SMYD3: variants seen among roughly 807,000 people sequenced by gnomAD.
SMYD3 encodes the protein histone-lysine N-methyltransferase SMYD3.
Under a neutral mutation model 57.7 loss-of-function variants are expected in SMYD3, and 36 were observed. That is an observed-to-expected ratio of 0.62 (90% CI 0.48 to 0.82). The LOEUF (loss-of-function observed/expected upper bound fraction) is 0.82. Among genes scored for constraint, SMYD3 ranks in the 40% least tolerant of loss-of-function variants. The probability of loss-of-function intolerance (pLI) is 0.00; values close to 1 mark genes in which losing one functional copy is unlikely to be tolerated. For synonymous variants in SMYD3, 211 were observed against 195.0 expected (o/e 1.08, Z -0.68); for missense variants, 515 against 538.8 (o/e 0.96, Z 0.44).
chr1:246,016,304 T>C (rs2059375488), intron 5 of SMYD3, among the ~76,000 whole-genome samples: 1 of 151,210 alleles, frequency 6.6e-6, no homozygotes, highest in Admixed American at 6.6e-5. Flanking sequence ...CAGAACTGGC[T>C]GGGCGCGGTG....
chr1:245,786,219 G>GC lies in SMYD3; in HGVS notation c.1077-22071_1077-22070insG, dbSNP rs1553321385. Among the ~76,000 whole-genome samples, 772 of 148,170 alleles carry GC rather than the reference G, an allele frequency of 5.2e-3. 44 individuals carry two copies. Among genetic ancestry groups the GC allele is most frequent in the African/African-American group, 0.019 (740 of 39,612 alleles). ...AGTTGAGTTGGGGTGTGGACGGGGGGGGGATGGTGGCAACAGAATATTAAG... is the reference window on the plus strand; with the variant it reads ...AGTTGAGTTGGGGTGTGGACGGGGGGCGGGATGGTGGCAACAGAATATTAAG... On this transcript the variant is annotated intron_variant, in intron 10 of 11. Transcript: ENST00000490107.
chr1:245,901,463 G>A (rs2054176187), intron 8 of SMYD3, among the ~76,000 whole-genome samples: 2 of 152,292 alleles, frequency 1.3e-5, no homozygotes, highest in Non-Finnish European at 2.9e-5. Flanking sequence ...AGTAACAGAA[G>A]AAAAGTCCAT....
intron 10 of SMYD3, among the ~76,000 whole-genome samples, chr1:245,836,672 T>C: frequency 6.6e-6 from 1 of 152,176 alleles, no homozygotes; most frequent in East Asian, 1.9e-4. Context: ...TTGTACCTGC[T>C]CTTATAAGGA....
At chr1:246,143,944 C>A (rs2061803269) in intron 5 of SMYD3, among the ~76,000 whole-genome samples, 1 of 152,218 alleles carries the variant, frequency 6.6e-6, no homozygotes, top group South Asian at 2.1e-4. Flanking sequence ...TCCAGCCAGG[C>A]ACTCGTTTCC....
chr1:246,126,186 G>A (rs1011553383), intron 5 of SMYD3, among the ~76,000 whole-genome samples: 2 of 152,226 alleles, frequency 1.3e-5, no homozygotes, highest in African/African-American at 4.8e-5. Context: ...CATGAGCACT[G>A]CAAAGGAGCT....
intron 5 of SMYD3, among the ~76,000 whole-genome samples, chr1:246,010,576 GAGTT>G (rs1486574829): frequency 6.6e-6 from 1 of 152,214 alleles, no homozygotes; most frequent in East Asian, 1.9e-4. Flanking sequence ...GCAAGCAGCT[GAGTT>G]ATCTTTGCTT....
intron 5 of SMYD3, among the ~76,000 whole-genome samples, chr1:245,979,114 T>G (rs576408062): frequency 6.6e-5 from 10 of 152,078 alleles, no homozygotes; most frequent in African/African-American, 1.9e-4. Context: ...GAAACCTAGA[T>G]AGGAGATGAG....
chr1:246,304,680 G>A (rs1197628), intron 5 of SMYD3, among the ~76,000 whole-genome samples: 2,282 of 152,222 alleles, frequency 0.015, 32 homozygotes, highest in African/African-American at 0.036. Flanking sequence ...TAGCCACACA[G>A]TCACCATTAT....
chr1:246,365,247 T>A (rs4654105), intron 1 of SMYD3, among the ~76,000 whole-genome samples: 82,323 of 150,882 alleles, frequency 0.55, 23,085 homozygotes, highest in Middle Eastern at 0.71. Context: ...TTCATAGATC[T>A]AGAAGATAAA....
At chr1:245,846,285 T>C (rs1336692418) in intron 10 of SMYD3, among the ~76,000 whole-genome samples, 2 of 152,192 alleles carry the variant, frequency 1.3e-5, no homozygotes, top group Admixed American at 6.5e-5. Flanking sequence ...TCGCAGTAGA[T>C]CTGTGGCTGG....
At chr1:245,976,982 A>ATGTTATT (rs1292319774) in intron 5 of SMYD3, among the ~76,000 whole-genome samples, 1 of 61,448 alleles carries the variant, frequency 1.6e-5, no homozygotes, top group Non-Finnish European at 3.2e-5. Flanking sequence ...TCTCCGGCCC[A>ATGTTATT]GGGAAAGCCA....
chr1:246,413,435 G>A (rs529263033), intron 1 of SMYD3, among the ~76,000 whole-genome samples: 224 of 152,198 alleles, frequency 1.5e-3, no homozygotes, highest in Non-Finnish European at 2.4e-3. Flanking sequence ...TCACAACAGC[G>A]CTATTCCCAA....
intron 5 of SMYD3, among the ~76,000 whole-genome samples, chr1:246,010,767 T>C (rs1321097732): frequency 1.3e-5 from 2 of 152,234 alleles, no homozygotes; most frequent in South Asian, 4.1e-4. Flanking sequence ...AGGCATTAGA[T>C]ATTAACTATG....
intron 5 of SMYD3, among the ~76,000 whole-genome samples, chr1:246,292,752 T>C (rs1287364686): frequency 1.3e-5 from 2 of 151,942 alleles, no homozygotes; most frequent in Non-Finnish European, 2.9e-5. Flanking sequence ...TTGAGAGCAT[T>C]TGGGGGCAAA....
chr1:246,332,204 A>C (rs77375743), intron 3 of SMYD3, among the ~76,000 whole-genome samples: 4,767 of 152,334 alleles, frequency 0.031, 94 homozygotes, highest in Non-Finnish European at 0.04. Context: ...CTCTTGCACC[A>C]AACAGCCAAG....
At chr1:246,022,362 G>A (rs2059486851) in intron 5 of SMYD3, among the ~76,000 whole-genome samples, 1 of 152,170 alleles carries the variant, frequency 6.6e-6, no homozygotes, top group Non-Finnish European at 1.5e-5. Flanking sequence ...TCTATCAATA[G>A]GAGATTGAGT....
intron 5 of SMYD3, among the ~76,000 whole-genome samples, chr1:246,029,112 A>G (rs1216424837): frequency 6.6e-6 from 1 of 152,242 alleles, no homozygotes; most frequent in African/African-American, 2.4e-5. Context: ...ACCCAAAACT[A>G]TAAAACTACT....
chr1:246,474,519 CAAAAAAA>C (rs35626265), intron 1 of SMYD3, among the ~76,000 whole-genome samples: 2 of 78,830 alleles, frequency 2.5e-5, no homozygotes. Context: ...ACTCCCCTCT[CAAAAAAA>C]AAAAAAAAAA....
At chr1:246,448,696 CTTTT>C (rs59432098) in intron 1 of SMYD3, among the ~76,000 whole-genome samples, 5 of 85,588 alleles carry the variant, frequency 5.8e-5, no homozygotes, top group African/African-American at 2.0e-4. Context: ...GATCTCATCT[CTTTT>C]TTTTAAAAAA....
Sources: gnomAD v4.1 joint callset for allele counts (sites outside exome capture counted in the v4.1 genomes callset) on GRCh38, gnomAD v4.1.1 for gene constraint, MANE v1.5 for transcripts, NCBI Gene and HGNC (gene_info 2026-07-23, HGNC 2026-07-21) for gene names.